DPYSL3: variants seen among roughly 807,000 people sequenced by gnomAD.
DPYSL3 encodes dihydropyrimidinase like 3, also known as dihydropyrimidinase-related protein 3.
Under a neutral mutation model 66.1 loss-of-function variants are expected in DPYSL3, and 16 were observed. That is an observed-to-expected ratio of 0.24 (90% confidence interval 0.16 to 0.37). The LOEUF (loss-of-function observed/expected upper bound fraction) is 0.37. Among genes scored for constraint, DPYSL3 ranks in the 10% least tolerant of loss-of-function variants. DPYSL3 has a pLI of 1.00. For synonymous variants in DPYSL3, 338 were observed against 345.1 expected, an observed-to-expected ratio of 0.98 and a Z score of 0.23; for missense variants, 738 against 916.2, an observed-to-expected ratio of 0.81 and a Z score of 2.51.
intron 2 of DPYSL3, among the ~76,000 whole-genome samples, chr5:147,423,586 T>TG (rs56842545): frequency 0.087 from 13,268 of 152,202 alleles, 1,562 homozygotes; most frequent in African/African-American, 0.26. Context: ...GGTTAAGAAT[T>TG]GGGATGTGGA....
chr5:147,483,759 G>A (rs181605463), intron 1 of DPYSL3, among the ~76,000 whole-genome samples: 1 of 152,138 alleles, frequency 6.6e-6, no homozygotes, highest in African/African-American at 2.4e-5. Flanking sequence ...CCGGAGAAAG[G>A]TCTCAGAAAA....
intron 1 of DPYSL3, among the ~76,000 whole-genome samples, chr5:147,481,898 G>A (rs370381379): frequency 5.3e-5 from 8 of 152,178 alleles, no homozygotes; most frequent in East Asian, 3.8e-4. Context: ...TGTTATAGCA[G>A]CACAAAATGG....
At chr5:147,400,105 G>A (rs34784063) in intron 10 of DPYSL3, among the ~76,000 whole-genome samples, 37,569 of 152,126 alleles carry the variant, frequency 0.25, 4,989 homozygotes, top group East Asian at 0.54. Context: ...ACTTAATAAT[G>A]AGATAATTAT....
intron 1 of DPYSL3, among the ~76,000 whole-genome samples, chr5:147,505,166 T>C (rs1400771975): frequency 1.3e-5 from 2 of 151,870 alleles, no homozygotes; most frequent in Non-Finnish European, 2.9e-5. Context: ...TTTAAGAAGG[T>C]GTTTATAGAT....
chr5:147,438,965 G>C (rs1168235431), intron 1 of DPYSL3, among the ~76,000 whole-genome samples: 1 of 152,132 alleles, frequency 6.6e-6, no homozygotes, highest in South Asian at 2.1e-4. Flanking sequence ...TGATACAGTG[G>C]GGTATGACAC....
intron 1 of DPYSL3, among the ~76,000 whole-genome samples, chr5:147,489,157 G>A (rs1415066584): frequency 6.6e-6 from 1 of 152,150 alleles, no homozygotes; most frequent in Non-Finnish European, 1.5e-5. Flanking sequence ...AGCTTCTGAT[G>A]TTTTCTGCTT....
chr5:147,405,758 T>TAG (rs1758311093), intron 7 of DPYSL3, 28 bp from the exon 8 acceptor site: 1 of 1,598,682 alleles, frequency 6.3e-7, no homozygotes, highest in Admixed American at 1.7e-5. Context: ...CAGGAGTCAA[T>TAG]AGAAACATGA....
At chr5:147,471,340 C>G (rs12055143) in intron 1 of DPYSL3, among the ~76,000 whole-genome samples, 1 of 152,272 alleles carries the variant, frequency 6.6e-6, no homozygotes, top group East Asian at 1.9e-4. Flanking sequence ...AAGCCTCCAC[C>G]TAGGCTAGAA....
At chr5:147,408,321 C>T (rs1751764014) in intron 7 of DPYSL3, among the ~76,000 whole-genome samples, 1 of 152,160 alleles carries the variant, frequency 6.6e-6, no homozygotes, top group Non-Finnish European at 1.5e-5. Context: ...CATACCTGGA[C>T]ATAATCATCA....
chr5:147,417,281 A>G (rs2152022047), intron 3 of DPYSL3, among the ~76,000 whole-genome samples: 1 of 152,328 alleles, frequency 6.6e-6, no homozygotes, highest in Middle Eastern at 3.4e-3. Flanking sequence ...TTCTATCAAA[A>G]GCAGCCTGAG....
intron 1 of DPYSL3, among the ~76,000 whole-genome samples, chr5:147,439,247 G>A (rs188440903): frequency 6.6e-6 from 1 of 152,238 alleles, no homozygotes; most frequent in East Asian, 1.9e-4. Flanking sequence ...AGTGATAAGT[G>A]AAATTTAGAA....
chr5:147,414,283 C>T (rs1751918121), intron 4 of DPYSL3, among the ~76,000 whole-genome samples: 1 of 152,160 alleles, frequency 6.6e-6, no homozygotes. Context: ...GATACAGATC[C>T]TACCCTTAGG....
rs574100825 is a variant in DPYSL3 at position 147,509,226 on chromosome 5, G to C, written c.381+252C>G. Among the ~76,000 whole-genome samples the C allele has an allele frequency of 1.3e-5, 2 of 152,316 alleles. No individual in the cohort carries two copies. Among genetic ancestry groups the C allele is most frequent in the Non-Finnish European group, 2.9e-5 (2 of 68,016 alleles). On this transcript the variant is annotated intron_variant, in intron 1 of 13. Coordinates refer to ENST00000343218, the MANE Select transcript of DPYSL3 (RefSeq NM_001197294.2). The surrounding 1 kb of genome is among the most constrained non-coding windows in gnomAD (Gnocchi z 5.3). ...AGTGCGGCGAGGAGGCAGGGGCAAA[G>C]GACGCGGCTCCAGGCAGGGGAACCC...
intron 1 of DPYSL3, among the ~76,000 whole-genome samples, chr5:147,487,910 T>C (rs1753359767): frequency 6.6e-6 from 1 of 152,210 alleles, no homozygotes; most frequent in African/African-American, 2.4e-5. Flanking sequence ...GTTCCCTTAG[T>C]GCACTACGAT....
At chr5:147,435,508 G>A (rs2126358003) in intron 1 of DPYSL3, among the ~76,000 whole-genome samples, 1 of 152,322 alleles carries the variant, frequency 6.6e-6, no homozygotes, top group East Asian at 1.9e-4. Context: ...AGATTGTGGA[G>A]TTAGGCACCC....
At chr5:147,496,301 A>G (rs1753506675) in intron 1 of DPYSL3, among the ~76,000 whole-genome samples, 1 of 152,248 alleles carries the variant, frequency 6.6e-6, no homozygotes, top group Admixed American at 6.5e-5. Flanking sequence ...AAGCCCTAGA[A>G]GAAAACCTAC....
At chr5:147,423,739 G>A (rs113813815) in intron 2 of DPYSL3, among the ~76,000 whole-genome samples, 1 of 152,084 alleles carries the variant, frequency 6.6e-6, no homozygotes, top group Non-Finnish European at 1.5e-5. Flanking sequence ...TTGAGACAGA[G>A]CCTAGCTCTG....
At chr5:147,452,090 A>G (rs1451111398) in intron 1 of DPYSL3, among the ~76,000 whole-genome samples, 1 of 152,212 alleles carries the variant, frequency 6.6e-6, no homozygotes, top group East Asian at 1.9e-4. Flanking sequence ...GGAAGCTGGT[A>G]GGGGTGGGGT....
At chr5:147,400,619 G>A in intron 10 of DPYSL3, 73 bp downstream of exon 10, 1 of 1,559,438 alleles carries the variant, frequency 6.4e-7, no homozygotes, top group African/African-American at 1.3e-5. Flanking sequence ...CAGCCCAACT[G>A]GTGGCAGGAG....
Sources: gnomAD v4.1 joint callset for allele counts (sites outside exome capture counted in the v4.1 genomes callset) on GRCh38, gnomAD v4.1.1 for gene constraint, Gnocchi (gnomAD v3.1) non-coding constraint, MANE v1.5 for transcripts, NCBI Gene and HGNC (gene_info 2026-07-23, HGNC 2026-07-21) for gene names.